The following PRDM16 variants were observed in gnomAD, a reference collection of about 807,000 sequenced individuals.
The protein encoded by PRDM16 is histone-lysine N-methyltransferase PRDM16.
A neutral mutation model predicts 110.6 loss-of-function variants in PRDM16; 23 were observed. That is an observed-to-expected ratio of 0.21 (90% CI 0.15 to 0.29). The LOEUF (loss-of-function observed/expected upper bound fraction) is 0.29. Among genes scored for constraint, PRDM16 ranks in the 10% least tolerant of loss-of-function variants. The pLI, the probability that PRDM16 is intolerant of heterozygous loss-of-function variation, is 1.00. For missense variants in PRDM16, 1,615 were observed against 1,794.3 expected (o/e 0.90, Z 1.81); for synonymous variants, 799 against 781.8 (o/e 1.02, Z -0.37).
At chr1:3,332,460 C>G (rs1022984507) in intron 3 of PRDM16, among the ~76,000 whole-genome samples, 2 of 151,980 alleles carry the variant, frequency 1.3e-5, no homozygotes, top group Non-Finnish European at 2.9e-5. Context: ...GTGGCCTGGC[C>G]CCCCCTCGGT....
chr1:3,326,359 G>A (rs750344002), intron 3 of PRDM16, among the ~76,000 whole-genome samples: 50 of 152,208 alleles, frequency 3.3e-4, no homozygotes, highest in Non-Finnish European at 6.8e-4. Context: ...CAATTAATTT[G>A]CATCTGCAAA....
At chr1:3,146,894 T>TAC (rs1643676022) in intron 1 of PRDM16, among the ~76,000 whole-genome samples, 1 of 83,148 alleles carries the variant, frequency 1.2e-5, no homozygotes, top group Admixed American at 1.7e-4. Flanking sequence ...GGGGTGTGTG[T>TAC]GCATGTGTGT....
chr1:3,268,485 G>T (rs1265724936), intron 3 of PRDM16, among the ~76,000 whole-genome samples: 1 of 152,202 alleles, frequency 6.6e-6, no homozygotes, highest in Non-Finnish European at 1.5e-5. Flanking sequence ...GGCCGGGGAG[G>T]GCAGACGGGC....
At position 3,150,162 on chromosome 1, in the gene PRDM16, G is replaced by A. The variant is rs185534039; in HGVS notation, c.38-35963G>A. Among the ~76,000 whole-genome samples, 6 of 152,244 alleles carry A rather than the reference G, an allele frequency of 3.9e-5. No homozygotes were observed. The South Asian group carries it at 1.0e-3, about 26-fold the overall frequency. ...ACTTTACAAGCCTCGCACTGCGTAG[G>A]GGGATGGCTTTGGGAGAGCCATGTA... On this transcript the variant is annotated intron_variant, in intron 1 of 16. Coordinates refer to ENST00000270722, the MANE Select transcript of PRDM16 (RefSeq NM_022114.4).
chr1:3,356,022 C>A (rs1250605988), intron 3 of PRDM16, among the ~76,000 whole-genome samples: 3 of 152,126 alleles, frequency 2.0e-5, no homozygotes, highest in Non-Finnish European at 2.9e-5. Flanking sequence ...GACAGAGGGG[C>A]CCCTCCGTGA....
intron 1 of PRDM16, among the ~76,000 whole-genome samples, chr1:3,115,877 T>C (rs1171811590): frequency 1.3e-5 from 2 of 152,232 alleles, no homozygotes; most frequent in Non-Finnish European, 2.9e-5. Context: ...GCCCATGCTT[T>C]GAAGTCTCGG....
At chr1:3,230,597 A>C (rs569621090) in intron 2 of PRDM16, among the ~76,000 whole-genome samples, 1 of 152,366 alleles carries the variant, frequency 6.6e-6, no homozygotes, top group South Asian at 2.1e-4. Flanking sequence ...ATAAATGAAC[A>C]GCCGTTTCAG....
Position 3,433,873 on chromosome 1 carries a change from G to T in PRDM16, c.*62G>T. ...GGCACCAGCCACGAAGGACGGAGGC[G>T]GGCGGGGCCCCGGAGAACCCTGTCC... On this transcript the variant is annotated 3_prime_UTR_variant, in exon 17 of 17. Coordinates refer to ENST00000270722, the MANE Select transcript of PRDM16 (RefSeq NM_022114.4). 2 of 1,588,228 alleles carry T rather than the reference G, an allele frequency of 1.3e-6. No individual in the cohort carries two copies. Among genetic ancestry groups the T allele is most frequent in the Non-Finnish European group, 1.7e-6 (2 of 1,168,272 alleles).
At chr1:3,397,659 G>A (rs985120354) in intron 5 of PRDM16, among the ~76,000 whole-genome samples, 2 of 152,254 alleles carry the variant, frequency 1.3e-5, no homozygotes, top group African/African-American at 4.8e-5. Context: ...CGGCGCTGGT[G>A]ATTCCTGCTG....
intron 2 of PRDM16, among the ~76,000 whole-genome samples, chr1:3,203,588 G>T (rs573444918): frequency 6.6e-6 from 1 of 152,218 alleles, no homozygotes; most frequent in Non-Finnish European, 1.5e-5. Context: ...TCCCCGGGGG[G>T]GCCAGGGTGT....
intron 3 of PRDM16, among the ~76,000 whole-genome samples, chr1:3,377,433 C>A (rs1326281792): frequency 6.6e-6 from 1 of 152,220 alleles, no homozygotes; most frequent in Non-Finnish European, 1.5e-5. Flanking sequence ...GAAGAGAGCC[C>A]ACAAATTAGA....
intron 12 of PRDM16, among the ~76,000 whole-genome samples, chr1:3,419,487 G>T (rs934202601): frequency 2.0e-5 from 3 of 152,284 alleles, no homozygotes; most frequent in South Asian, 2.1e-4. Flanking sequence ...AATCACCGGG[G>T]TCAGTGCCTG....
At chr1:3,409,184 CGTGT>C (rs146991767) in intron 8 of PRDM16, among the ~76,000 whole-genome samples, 4 of 143,536 alleles carry the variant, frequency 2.8e-5, no homozygotes, top group Non-Finnish European at 6.1e-5. Flanking sequence ...TGAGTTGGTG[CGTGT>C]GTGTGTGAGA....
intron 1 of PRDM16, among the ~76,000 whole-genome samples, chr1:3,149,816 A>C (rs1643743301): frequency 6.6e-6 from 1 of 152,222 alleles, no homozygotes; most frequent in Non-Finnish European, 1.5e-5. Context: ...GGCTGGGGAC[A>C]CAGCAATCCA....
At position 3,080,519 on chromosome 1, in the gene PRDM16, C is replaced by T. The variant is rs1641998959; in HGVS notation, c.37+11223C>T. 1.3e-5 allele frequency among the ~76,000 whole-genome samples: 2 copies of T among 152,096 alleles called. No homozygotes were observed. Among genetic ancestry groups the T allele is most frequent in the African/African-American group, 4.8e-5 (2 of 41,408 alleles). On this transcript the variant is annotated intron_variant, in intron 1 of 16. Coordinates refer to ENST00000270722, the MANE Select transcript of PRDM16 (RefSeq NM_022114.4). This position sits in a 1 kb window ranked among gnomAD's most constrained non-coding sequence, Gnocchi z 5.2. ...GCTATCAGAGACAGATCGATTTTTC[C>T]CTGGAAGTGATTTGGCATGACTTTA... is the stretch of plus-strand genomic sequence containing the variant.
Position 3,246,121 on chromosome 1 carries a change from A to C in PRDM16, c.438+1984A>C, listed in dbSNP as rs996979567. ...TGCTTCTGAACCAGAACGAACTAGG[A>C]CAGAAGGAGGGTGAAGTGGGCGCCG... is the stretch of plus-strand genomic sequence containing the variant. On this transcript the variant is annotated intron_variant, in intron 3 of 16. Coordinates refer to ENST00000270722, the MANE Select transcript of PRDM16 (RefSeq NM_022114.4). This position sits in a 1 kb window ranked among gnomAD's most constrained non-coding sequence, Gnocchi z 5.2. 6.6e-6 allele frequency among the ~76,000 whole-genome samples: 1 copy of C among 152,116 alleles called. No homozygotes were observed. Among genetic ancestry groups the C allele is most frequent in the Non-Finnish European group, 1.5e-5 (1 of 68,014 alleles).
rs145505045 is a variant in PRDM16, at chr1:3,128,988, C to A, written c.38-57137C>A. On this transcript the variant is annotated intron_variant, in intron 1 of 16. Coordinates refer to ENST00000270722, the MANE Select transcript of PRDM16 (RefSeq NM_022114.4). The stretch of plus-strand genomic sequence containing the variant: ...GTGCAGATGAGATGAGGAGGGTGGC[C>A]CTGGGGAGGCTGGGGTGTGGTCGCT... Among the ~76,000 whole-genome samples, 58 of 152,294 alleles carry A rather than the reference C, an allele frequency of 3.8e-4. 1 individual carries two copies. In the East Asian group the frequency reaches 6.8e-3, roughly 18 times the overall value.
chr1:3,286,114 G>A (rs995791999), intron 3 of PRDM16, among the ~76,000 whole-genome samples: 8 of 152,100 alleles, frequency 5.3e-5, no homozygotes, highest in Admixed American at 3.9e-4. Context: ...CATTCCCCAC[G>A]ACAGCCTCTC....
At chr1:3,181,310 T>C (rs866631276) in intron 1 of PRDM16, among the ~76,000 whole-genome samples, 2,353 of 62,262 alleles carry the variant, frequency 0.038, 7 homozygotes, top group Non-Finnish European at 0.056. Flanking sequence ...TTACACACGG[T>C]CTTACACACG....
Sources: gnomAD v4.1 joint callset for allele counts (sites outside exome capture counted in the v4.1 genomes callset) on GRCh38, gnomAD v4.1.1 for gene constraint, Gnocchi (gnomAD v3.1) non-coding constraint, MANE v1.5 for transcripts, NCBI Gene and HGNC (gene_info 2026-07-23, HGNC 2026-07-21) for gene names.